Variants in PPWD1 observed in about 807,000 individuals in gnomAD.
The protein encoded by PPWD1 is peptidylprolyl isomerase domain and WD repeat-containing protein 1.
PPWD1 carries 43 observed loss-of-function variants against 68.8 expected under a neutral mutation model. The observed-to-expected ratio is 0.62, with a 90% CI of 0.49 to 0.81. The LOEUF (loss-of-function observed/expected upper bound fraction) is 0.81, where lower values mean the gene tolerates loss of function less well. Ranked by LOEUF, PPWD1 falls within the 30% of genes least tolerant of loss-of-function variation. The pLI is 0.00. For synonymous variants in PPWD1, 232 were observed against 258.7 expected, an observed-to-expected ratio of 0.90 and a Z score of 0.99; for missense variants, 672 against 804.8, an observed-to-expected ratio of 0.83 and a Z score of 2.00.
At chr5:65,582,002 C>T (rs140438590) in intron 7 of PPWD1, among the ~76,000 whole-genome samples, 5 of 152,218 alleles carry the variant, frequency 3.3e-5, no homozygotes, top group African/African-American at 1.2e-4. Flanking sequence ...TCAGCTAAGT[C>T]ATAACTTTAA....
At chr5:65,581,378 G>A (rs2150605683) in intron 7 of PPWD1, among the ~76,000 whole-genome samples, 1 of 152,170 alleles carries the variant, frequency 6.6e-6, no homozygotes, top group East Asian at 1.9e-4. Flanking sequence ...TTTGAGCCCA[G>A]GACCAAGACC....
chr5:65,563,322 A>G lies in PPWD1; in HGVS notation c.12A>G (p.Glu4=). The G allele has an allele frequency of 6.2e-7, 1 of 1,613,138 alleles. No individual in the cohort carries two copies. Among genetic ancestry groups the G allele is most frequent in the Non-Finnish European group, 8.5e-7 (1 of 1,179,662 alleles). The change falls in exon 1 of 11, where the codon GAA becomes GAG. Residue 4 remains glutamate (E), a synonymous_variant. Coordinates refer to ENST00000261308, the MANE Select transcript of PPWD1 (RefSeq NM_015342.4). MAA[E]SGSDFQQRRR... ...ACGATGCGAACAACATGGCGGCGGA[A>G]AGTGGTAGCGATTTTCAGCAGAGAC...
In PPWD1 at chr5:65,583,139, T is replaced by G. The variant is rs1561732409; in HGVS notation, c.1452T>G (p.Ala484=). 2 of 1,613,688 alleles carry G rather than the reference T, an allele frequency of 1.2e-6. No individual in the cohort carries two copies. The highest frequency in any genetic ancestry group is 2.7e-5 in the African/African-American group (2 of 74,910). Residue 484 remains alanine, a synonymous_variant, in exon 8 of 11, where the codon GCT becomes GCG. Transcript: ENST00000261308. The stretch of plus-strand genomic sequence containing the variant: ...AAGAAGTCATGGCAGCTACTCAAGC[T>G]GAAGGACCTAAACGAGTTTCGGACA... ...SKEEVMAATQ[A]EGPKRVSDSA...
In PPWD1 at chr5:65,569,649, C is replaced by T. The variant is rs1385794540; in HGVS notation, c.317C>T (p.Thr106Ile). 6.3e-7 allele frequency: 1 copy of T among 1,584,292 alleles called. No individual in the cohort carries two copies. Among genetic ancestry groups the T allele is most frequent in the Non-Finnish European group, 8.7e-7 (1 of 1,155,770 alleles). Residue 106 changes from threonine (T) to isoleucine (I), a missense_variant, in exon 3 of 11, where the codon ACT becomes ATT. Around this residue, in one of 2 missense-constraint regions of PPWD1, gnomAD observed 188 missense variants for 158.6 expected, o/e 1.19. Transcript: ENST00000261308. Reference protein sequence around the residue: ...VVCTKTDFIITASHDGHVKFW... With the variant: ...VVCTKTDFIIIASHDGHVKFW... ...ATATGCAGAACAGATTTTATTATTACTGCCAGTCATGATGGACATGTCAAG... is the reference window on the plus strand; with the variant it reads ...ATATGCAGAACAGATTTTATTATTATTGCCAGTCATGATGGACATGTCAAG...
chr5:65,582,930 T>C, intron 7 of PPWD1, 108 bp from the exon 8 acceptor site: 1 of 1,339,722 alleles, frequency 7.5e-7, no homozygotes, highest in Non-Finnish European at 9.8e-7. Flanking sequence ...GATTCTGATG[T>C]GAATTCTTAC....
rs778652720 is a variant in PPWD1, at chr5:65,563,300, A to G, written c.-11A>G. 17 of 1,609,368 alleles carry G rather than the reference A, an allele frequency of 1.1e-5. No individual in the cohort carries two copies. In the South Asian group the frequency reaches 1.9e-4, roughly 18 times the overall value. On this transcript the variant is annotated 5_prime_UTR_variant, in exon 1 of 11. An upstream start codon of the reference 5' UTR is lost. Transcript: ENST00000261308. Reference sequence around the variant, plus strand: ...GTTTTGTGTCGCGCCTTTTCTGACGATGCGAACAACATGGCGGCGGAAAGT... The same window carrying G: ...GTTTTGTGTCGCGCCTTTTCTGACGGTGCGAACAACATGGCGGCGGAAAGT...
At chr5:65,567,410 A>G in intron 1 of PPWD1, 103 bp from the exon 2 acceptor site, 1 of 1,364,622 alleles carries the variant, frequency 7.3e-7, no homozygotes, top group South Asian at 1.9e-5. Context: ...ATCCAGGAGA[A>G]AATACCAAGT....
intron 2 of PPWD1, chr5:65,569,002 C>CATTTA (rs1240032783): frequency 2.2e-6 from 1 of 455,696 alleles, no homozygotes. Flanking sequence ...GAGGCAAGTA[C>CATTTA]ATTTAACATT....
At chr5:65,566,533 A>G (rs1752768040) in intron 1 of PPWD1, among the ~76,000 whole-genome samples, 1 of 152,220 alleles carries the variant, frequency 6.6e-6, no homozygotes, top group African/African-American at 2.4e-5. Flanking sequence ...GGACATCAGT[A>G]TGCCCATATA....
In PPWD1 at chr5:65,584,957, A is replaced by G. The variant is rs1753762765; in HGVS notation, c.1533-57A>G. On this transcript the variant is annotated intron_variant, in intron 8 of 10. Transcript: ENST00000261308. ...ATCATTAGGAAGCAGAACTGCAAAG[A>G]AAACTGTTTTAAGATGCTCTGAATA... The G allele has an allele frequency of 3.8e-6, 6 of 1,574,510 alleles. No homozygotes were observed. The Admixed American group carries it at 1.1e-4, about 30-fold the overall frequency.
At chr5:65,565,779 G>A (rs1752720221) in intron 1 of PPWD1, among the ~76,000 whole-genome samples, 1 of 133,500 alleles carries the variant, frequency 7.5e-6, no homozygotes, top group Non-Finnish European at 1.5e-5. Flanking sequence ...CTGTACTTCA[G>A]CATGGGCAAC....
In PPWD1 at chr5:65,563,332, G is replaced by A. The variant is rs1026063281; in HGVS notation, c.22G>A (p.Asp8Asn). The A allele has an allele frequency of 1.2e-6, 2 of 1,613,520 alleles. No individual in the cohort carries two copies. The highest frequency in any genetic ancestry group is 1.7e-6 in the Non-Finnish European group (2 of 1,179,834). ...CAACATGGCGGCGGAAAGTGGTAGC[G>A]ATTTTCAGCAGAGACGTAGAAGGCG... MAAESGS[D>N]FQQRRRRRRD... The change falls in exon 1 of 11, where the codon GAT (aspartate) becomes AAT (asparagine). Residue 8 changes from aspartate (D) to asparagine (N), a missense_variant. By Grantham distance (23) the Asp-to-Asn change is conservative. This residue lies in a region of PPWD1 where 188 missense variants were observed against 158.6 expected (regional missense o/e 1.19). Coordinates refer to ENST00000261308, the MANE Select transcript of PPWD1 (RefSeq NM_015342.4).
In PPWD1 at chr5:65,583,032, C is replaced by T; in HGVS notation, c.1351-6C>T. 1 of 1,554,922 alleles carries T rather than the reference C, an allele frequency of 6.4e-7. No individual in the cohort carries two copies. Among genetic ancestry groups the T allele is most frequent in the Non-Finnish European group, 8.7e-7 (1 of 1,150,220 alleles). ...CGTTGACTCACTTTTTACTTTCCTC[C>T]TTGAGTTTACCAAACGAGAACCAGA... On this transcript the variant is annotated splice_region_variant and splice_polypyrimidine_tract_variant and intron_variant, in intron 7 of 10. Transcript: ENST00000261308.
intron 7 of PPWD1, among the ~76,000 whole-genome samples, chr5:65,581,832 A>C (rs1258936151): frequency 6.6e-6 from 1 of 152,202 alleles, no homozygotes; most frequent in Non-Finnish European, 1.5e-5. Flanking sequence ...CATATTCTTA[A>C]GCAAAACTAA....
intron 7 of PPWD1, among the ~76,000 whole-genome samples, chr5:65,581,314 G>A (rs1581163538): frequency 6.6e-6 from 1 of 152,164 alleles, no homozygotes; most frequent in African/African-American, 2.4e-5. Flanking sequence ...GGCCAGGAAT[G>A]GTGGCTTATC....
At chr5:65,574,528 A>G (rs1219690358) in intron 5 of PPWD1, among the ~76,000 whole-genome samples, 2 of 140,118 alleles carry the variant, frequency 1.4e-5, no homozygotes, top group South Asian at 2.2e-4. Flanking sequence ...TAGTGGCTCA[A>G]TCGCGGCTCA....
intron 7 of PPWD1, 69 bp downstream of exon 7, chr5:65,579,682 T>C: frequency 8.8e-7 from 1 of 1,140,832 alleles, no homozygotes; most frequent in Non-Finnish European, 1.2e-6. Flanking sequence ...TCTTTGTTTG[T>C]ACCTTCAACT....
chr5:65,585,850 C>A, intron 9 of PPWD1, 149 bp from the exon 10 acceptor site: 1 of 1,248,544 alleles, frequency 8.0e-7, no homozygotes, highest in African/African-American at 2.0e-5. Context: ...ATACATCATC[C>A]AAATTTAAGT....
Position 65,584,840 on chromosome 5 carries a change from A to G in PPWD1, c.1533-174A>G, listed in dbSNP as rs544681683. 2.8e-5 allele frequency: 14 copies of G among 507,034 alleles called. No individual in the cohort carries two copies. In the African/African-American group the frequency reaches 2.9e-4, roughly 11 times the overall value. The allele number at this position is 507,034 out of a possible 1,614,324, so 31.4% of individuals were successfully genotyped here. ...GTTGAACAATAAGAATATACTACTT[A>G]CATGACCCTCCGTGCTTGTCCTGAG... is the stretch of plus-strand genomic sequence containing the variant. On this transcript the variant is annotated intron_variant, in intron 8 of 10. Coordinates refer to ENST00000261308, the MANE Select transcript of PPWD1 (RefSeq NM_015342.4).
Sources: gnomAD v4.1 joint callset for allele counts (sites outside exome capture counted in the v4.1 genomes callset) on GRCh38, gnomAD v4.1.1 for gene constraint, gnomAD v4.1.1 regional missense constraint, MANE v1.5 for transcripts, NCBI Gene and HGNC (gene_info 2026-07-23, HGNC 2026-07-21) for gene names.